FOXL1: variants seen among roughly 807,000 people sequenced by gnomAD.
FOXL1 encodes forkhead box L1.
Under a neutral mutation model 1.7 loss-of-function variants are expected in FOXL1, and 2 were observed. The ratio of observed to expected loss-of-function variants is 1.21; its 90% CI spans 0.49 to 3.80. The LOEUF is 3.80. FOXL1 is among the 30% of genes most tolerant of loss of function. The probability of loss-of-function intolerance (pLI) is 0.07; values close to 1 mark genes in which losing one functional copy is unlikely to be tolerated. For synonymous variants in FOXL1, 280 were observed against 229.3 expected, an observed-to-expected ratio of 1.22 and a Z score of -2.00; for missense variants, 565 against 495.8, an observed-to-expected ratio of 1.14 and a Z score of -1.32.
rs1475433982 is a variant in FOXL1 at position 86,579,289 on chromosome 16, C to A, written c.566C>A (p.Ala189Glu). The A allele has an allele frequency of 7.1e-7, 1 of 1,414,394 alleles. No homozygotes were observed. The highest frequency in any genetic ancestry group is 3.1e-5 in the Admixed American group (1 of 32,566). 87.6% of individuals were successfully genotyped at this position (1,414,394 alleles called of 1,614,324 possible). Residue 189 changes from alanine (A) to glutamate (E), a missense_variant, in exon 1 of 1, where the codon GCG becomes GAG. By Grantham distance (107) the Ala-to-Glu change is moderately radical (BLOSUM62 -1). Transcript: ENST00000320241. Reference protein sequence around the residue: ...SGPAISRLQAAPAGPSPLLDG... With the variant: ...SGPAISRLQAEPAGPSPLLDG... ...CCCGCAATCTCCCGCCTGCAGGCAG[C>A]GCCCGCGGGCCCCTCGCCCCTCCTG...
chr16:86,579,174 G>T lies in FOXL1; in HGVS notation c.451G>T (p.Ala151Ser). The T allele has an allele frequency of 1.2e-6, 2 of 1,606,242 alleles. No homozygotes were observed. Among genetic ancestry groups the T allele is most frequent in the Non-Finnish European group, 8.5e-7 (1 of 1,177,032 alleles). ...RKRKPKPGPG[A>S]PEAKRPRAET... ...GAGGAAGCCCAAGCCGGGCCCCGGG[G>T]CCCCGGAGGCCAAGAGGCCCCGCGC... is the stretch of plus-strand genomic sequence containing the variant. Residue 151 changes from alanine to serine, a missense_variant, in exon 1 of 1, where the codon GCC (alanine) becomes TCC (serine). Ala to Ser is a moderately conservative substitution (Grantham distance 99). Transcript: ENST00000320241.
chr16:86,578,600 G>C lies in FOXL1; in HGVS notation c.-124G>C, dbSNP rs1974367315. 1.4e-6 allele frequency: 1 copy of C among 732,094 alleles called. No homozygotes were observed. The allele number at this position is 732,094 out of a possible 1,614,324, so 45.3% of individuals were successfully genotyped here. ...ACAGAGCACGGAGCGGCCGGGGAGAGCGGCAGAGCCAGAGGCAGAGGCACG... is the reference window on the plus strand; with the variant it reads ...ACAGAGCACGGAGCGGCCGGGGAGACCGGCAGAGCCAGAGGCAGAGGCACG... On this transcript the variant is annotated 5_prime_UTR_variant, in exon 1 of 1. Coordinates refer to ENST00000320241, the MANE Select transcript of FOXL1 (RefSeq NM_005250.3).
At position 86,579,788 on chromosome 16, in the gene FOXL1, C is replaced by G. The variant is rs904612236; in HGVS notation, c.*27C>G. On this transcript the variant is annotated 3_prime_UTR_variant, in exon 1 of 1. Coordinates refer to ENST00000320241, the MANE Select transcript of FOXL1 (RefSeq NM_005250.3). ...GCAAACAATGGCACGGTTCTTCTCC[C>G]GGCCCAGCCTGAGCCTCCGCTGAGC... The G allele has an allele frequency of 1.3e-6, 2 of 1,591,006 alleles. No homozygotes were observed. Among genetic ancestry groups the G allele is most frequent in the African/African-American group, 2.7e-5 (2 of 74,678 alleles).
Position 86,579,659 on chromosome 16 carries a change from G to A in FOXL1, c.936G>A (p.Leu312=). The change falls in exon 1 of 1, where the codon CTG becomes CTA. Residue 312 remains leucine (L), a synonymous_variant. Transcript: ENST00000320241. ...SSLRPPFNAS[L]MLDPHVQGGF... Reference sequence around the variant, plus strand: ...TCCGTCCGCCTTTCAACGCTTCCCTGATGCTCGACCCGCATGTCCAGGGCG... The same window carrying A: ...TCCGTCCGCCTTTCAACGCTTCCCTAATGCTCGACCCGCATGTCCAGGGCG... The A allele has an allele frequency of 6.2e-7, 1 of 1,613,868 alleles. No individual in the cohort carries two copies. The highest frequency in any genetic ancestry group is 8.5e-7 in the Non-Finnish European group (1 of 1,180,008).
Position 86,579,518 on chromosome 16 carries a change from C to T in FOXL1, c.795C>T (p.Ser265=), listed in dbSNP as rs756331890. ...SDKSKSFSID[S]ILAGKQGQKP... is the part of the protein sequence containing the mutation. ...AGTCCAAGAGCTTCAGCATAGACAG[C>T]ATCCTGGCGGGAAAGCAGGGCCAGA... Residue 265 remains serine (S), a synonymous_variant, in exon 1 of 1, where the codon AGC becomes AGT. Coordinates refer to ENST00000320241, the MANE Select transcript of FOXL1 (RefSeq NM_005250.3). 6.2e-7 allele frequency: 1 copy of T among 1,602,508 alleles called. No homozygotes were observed. Among genetic ancestry groups the T allele is most frequent in the South Asian group, 1.1e-5 (1 of 89,528 alleles).
At position 86,579,446 on chromosome 16, in the gene FOXL1, G is replaced by A; in HGVS notation, c.723G>A (p.Gly241=). 1.9e-6 allele frequency: 3 copies of A among 1,550,802 alleles called. No individual in the cohort carries two copies. Among genetic ancestry groups the A allele is most frequent in the Non-Finnish European group, 2.6e-6 (3 of 1,147,976 alleles). ...GQAARTGDGP[G]SPLRPASRSS... is the part of the protein sequence containing the mutation. ...CAGCGCGCACAGGGGACGGCCCGGG[G>A]TCCCCTCTGCGCCCCGCCTCCCGCA... The change falls in exon 1 of 1, where the codon GGG becomes GGA. Residue 241 remains glycine (G), a synonymous_variant. Transcript: ENST00000320241.
Position 86,581,339 on chromosome 16 carries a change from T to C in FOXL1, c.*1578T>C, listed in dbSNP as rs1974412069. On this transcript the variant is annotated 3_prime_UTR_variant, in exon 1 of 1. Transcript: ENST00000320241. ...TCGCTTTTAAAATAGTTTCCAGGAC[T>C]TGTCTAAAAATGATGACAAACTTTG... 2 of 167,128 alleles carry C rather than the reference T, an allele frequency of 1.2e-5. No individual in the cohort carries two copies. The highest frequency in any genetic ancestry group is 1.3e-4 in the Admixed American group (2 of 15,294). 10.4% of individuals were successfully genotyped at this position (167,128 alleles called of 1,614,324 possible).
chr16:86,579,777 G>C lies in FOXL1; in HGVS notation c.*16G>C, dbSNP rs777034884. The C allele has an allele frequency of 1.2e-6, 2 of 1,605,450 alleles. No individual in the cohort carries two copies. The highest frequency in any genetic ancestry group is 1.7e-6 in the Non-Finnish European group (2 of 1,173,630). ...CTTCCAGTAAAGCAAACAATGGCACGGTTCTTCTCCCGGCCCAGCCTGAGC... is the reference window on the plus strand; with the variant it reads ...CTTCCAGTAAAGCAAACAATGGCACCGTTCTTCTCCCGGCCCAGCCTGAGC... On this transcript the variant is annotated 3_prime_UTR_variant, in exon 1 of 1. Coordinates refer to ENST00000320241, the MANE Select transcript of FOXL1 (RefSeq NM_005250.3).
rs955354659 is a variant in FOXL1, at chr16:86,581,704, T to A, written c.*1943T>A. 4 of 167,022 alleles carry A rather than the reference T, an allele frequency of 2.4e-5. No homozygotes were observed. The highest frequency in any genetic ancestry group is 5.9e-5 in the Non-Finnish European group (4 of 68,124). 10.3% of individuals were successfully genotyped at this position (167,022 alleles called of 1,614,324 possible). A position where few individuals can be genotyped will look rare whatever the true frequency, so the allele number is the denominator to read the frequency against. On this transcript the variant is annotated 3_prime_UTR_variant, in exon 1 of 1. Coordinates refer to ENST00000320241, the MANE Select transcript of FOXL1 (RefSeq NM_005250.3). ...GTTTTTTCATTAACCTCTCAGTGAC[T>A]GGTTCAGTGGATTACTGGAGGGAAA...
rs1974367453 is a variant in FOXL1, at chr16:86,578,601, CGGCAGAGCCAGA to C, written c.-115_-104del. On this transcript the variant is annotated 5_prime_UTR_variant, in exon 1 of 1. Coordinates refer to ENST00000320241, the MANE Select transcript of FOXL1 (RefSeq NM_005250.3). ...CAGAGCACGGAGCGGCCGGGGAGAG[CGGCAGAGCCAGA>C]GGCAGAGGCACGGCTGGCTCCCCGG... is the stretch of plus-strand genomic sequence containing the variant. 5 of 734,372 alleles carry C rather than the reference CGGCAGAGCCAGA, an allele frequency of 6.8e-6. No individual in the cohort carries two copies. The highest frequency in any genetic ancestry group is 1.1e-5 in the Non-Finnish European group (5 of 454,368). The allele number at this position is 734,372 out of a possible 1,614,324, so 45.5% of individuals were successfully genotyped here.
At position 86,578,845 on chromosome 16, in the gene FOXL1, C is replaced by G; in HGVS notation, c.122C>G (p.Ser41Trp). The change falls in exon 1 of 1, where the codon TCG becomes TGG. Residue 41 changes from serine to tryptophan, a missense_variant. Physicochemically the swap from Ser to Trp is radical, Grantham distance 177 (BLOSUM62 -3). Coordinates refer to ENST00000320241, the MANE Select transcript of FOXL1 (RefSeq NM_005250.3). Reference protein sequence around the residue: ...AFAPAAALAASGRAETPQKPP... With the variant: ...AFAPAAALAAWGRAETPQKPP... ...GCCCCCGCGGCTGCTCTAGCTGCCT[C>G]GGGCCGGGCCGAGACCCCGCAGAAG... 1.2e-6 allele frequency: 2 copies of G among 1,613,776 alleles called. No homozygotes were observed. The highest frequency in any genetic ancestry group is 1.1e-5 in the South Asian group (1 of 91,086).
In FOXL1 at chr16:86,579,636, C is replaced by G. The variant is rs369054293; in HGVS notation, c.913C>G (p.Arg305Gly). ...GCTCCTGGCCGCCTCCTCCAGCCTCCGTCCGCCTTTCAACGCTTCCCTGAT... is the reference window on the plus strand; with the variant it reads ...GCTCCTGGCCGCCTCCTCCAGCCTCGGTCCGCCTTTCAACGCTTCCCTGAT... ...ASLLAASSSL[R>G]PPFNASLMLD... The change falls in exon 1 of 1, where the codon CGT becomes GGT. Residue 305 changes from arginine (R) to glycine (G), a missense_variant. Transcript: ENST00000320241. 1.4e-5 allele frequency: 22 copies of G among 1,613,584 alleles called. No homozygotes were observed. In the Admixed American group the frequency reaches 1.7e-4, roughly 12 times the overall value.
rs1196435729 is a variant in FOXL1 at position 86,580,023 on chromosome 16, G to A, written c.*262G>A. ...TGGGCACCGCACGTGGGCCCTGCAG[G>A]GACCTCCACCGCGGGAGATTCCTTG... On this transcript the variant is annotated 3_prime_UTR_variant, in exon 1 of 1. Transcript: ENST00000320241. 3 of 543,436 alleles carry A rather than the reference G, an allele frequency of 5.5e-6. No homozygotes were observed. Among genetic ancestry groups the A allele is most frequent in the Non-Finnish European group, 1.0e-5 (3 of 293,818 alleles). 33.7% of individuals were successfully genotyped at this position (543,436 alleles called of 1,614,324 possible).
Position 86,578,964 on chromosome 16 carries a change from G to T in FOXL1, c.241G>T (p.Asp81Tyr). 1 of 1,614,172 alleles carries T rather than the reference G, an allele frequency of 6.2e-7. No individual in the cohort carries two copies. Among genetic ancestry groups the T allele is most frequent in the Non-Finnish European group, 8.5e-7 (1 of 1,179,994 alleles). ...CAACGGCATCTACCAGTTCATCATG[G>T]ACCGCTTCCCCTTCTACCACGACAA... ...TLNGIYQFIM[D>Y]RFPFYHDNRQ... is the part of the protein sequence containing the mutation. Residue 81 changes from aspartate (D) to tyrosine (Y), a missense_variant, in exon 1 of 1, where the codon GAC becomes TAC. By Grantham distance (160) the Asp-to-Tyr change is radical. Coordinates refer to ENST00000320241, the MANE Select transcript of FOXL1 (RefSeq NM_005250.3).
rs1388666600 is a variant in FOXL1, at chr16:86,579,491, C to G, written c.768C>G (p.Asp256Glu). 1 of 1,582,078 alleles carries G rather than the reference C, an allele frequency of 6.3e-7. No homozygotes were observed. The highest frequency in any genetic ancestry group is 1.8e-5 in the Admixed American group (1 of 54,886). Residue 256 changes from aspartate to glutamate, a missense_variant, in exon 1 of 1, where the codon GAC (aspartate) becomes GAG (glutamate). Coordinates refer to ENST00000320241, the MANE Select transcript of FOXL1 (RefSeq NM_005250.3). ...CCCGCAGCTCTCCGAAGAGCTCCGA[C>G]AAGTCCAAGAGCTTCAGCATAGACA... ...PASRSSPKSSDKSKSFSIDSI... is the reference protein window; with the variant it reads ...PASRSSPKSSEKSKSFSIDSI...
At position 86,582,664 on chromosome 16, in the gene FOXL1, T is replaced by G. The variant is rs192124375; in HGVS notation, c.*2903T>G. 1.6e-4 allele frequency among the ~76,000 whole-genome samples: 25 copies of G among 151,762 alleles called. No homozygotes were observed. The highest frequency in any genetic ancestry group is 1.1e-3 in the Admixed American group (17 of 15,200). On this transcript the variant is annotated 3_prime_UTR_variant, in exon 1 of 1. Coordinates refer to ENST00000320241, the MANE Select transcript of FOXL1 (RefSeq NM_005250.3). ...ATATATATACATGAATGTGTAGGGG[T>G]GTGTGTGTGTATTTGTTCTGTGTAC...
chr16:86,578,865 C>T lies in FOXL1; in HGVS notation c.142C>T (p.Gln48Ter), dbSNP rs374067376. The change falls in exon 1 of 1, where the codon CAG (glutamine) becomes TAG (stop). Residue 48 changes from glutamine (Q) to a stop codon, truncating the protein, a stop_gained. Coordinates refer to ENST00000320241, the MANE Select transcript of FOXL1 (RefSeq NM_005250.3). LOFTEE classifies it low-confidence loss of function (END_TRUNC). ...TGCCTCGGGCCGGGCCGAGACCCCG[C>T]AGAAGCCTCCCTACAGCTACATCGC... is the stretch of plus-strand genomic sequence containing the variant. ...LAASGRAETPQKPPYSYIALI... is the reference protein window; with the variant it reads ...LAASGRAETP 42 of 1,613,890 alleles carry T rather than the reference C, an allele frequency of 2.6e-5. No individual in the cohort carries two copies. The highest frequency in any genetic ancestry group is 3.6e-5 in the Non-Finnish European group (42 of 1,180,006).
chr16:86,579,094 C>T lies in FOXL1; in HGVS notation c.371C>T (p.Thr124Met). 4.3e-6 allele frequency: 7 copies of T among 1,614,046 alleles called. No individual in the cohort carries two copies. The highest frequency in any genetic ancestry group is 1.1e-5 in the South Asian group (1 of 91,086). The stretch of plus-strand genomic sequence containing the variant: ...CGGCCGGGCAAGGGCAGCTACTGGA[C>T]GCTGGACCCCCGCTGCCTGGACATG... ...KGRPGKGSYW[T>M]LDPRCLDMFE... Residue 124 changes from threonine (T) to methionine (M), a missense_variant, in exon 1 of 1, where the codon ACG becomes ATG. Physicochemically the swap from Thr to Met is moderately conservative, Grantham distance 81. Transcript: ENST00000320241.
chr16:86,582,997 C>G lies in FOXL1; in HGVS notation c.*3236C>G, dbSNP rs902396500. On this transcript the variant is annotated 3_prime_UTR_variant, in exon 1 of 1. Coordinates refer to ENST00000320241, the MANE Select transcript of FOXL1 (RefSeq NM_005250.3). ...CAAGGACAGAGAACTTTACAAAGGA[C>G]TCTTGCTCTGCCTGGCCTCATCTAG... Among the ~76,000 whole-genome samples the G allele has an allele frequency of 2.0e-5, 3 of 149,462 alleles. No individual in the cohort carries two copies. Among genetic ancestry groups the G allele is most frequent in the East Asian group, 1.9e-4 (1 of 5,136 alleles).
Sources: gnomAD v4.1 joint callset for allele counts (sites outside exome capture counted in the v4.1 genomes callset) on GRCh38, gnomAD v4.1.1 for gene constraint, MANE v1.5 for transcripts, NCBI Gene and HGNC (gene_info 2026-07-23, HGNC 2026-07-21) for gene names.